The following SNRPN variants were observed in gnomAD, a reference collection of about 807,000 sequenced individuals.
SNRPN encodes the protein small nuclear ribonucleoprotein-associated protein N.
A neutral mutation model predicts 25.2 loss-of-function variants in SNRPN; 7 were observed. The observed-to-expected ratio is 0.28, with a 90% CI of 0.16 to 0.52. SNRPN has a LOEUF of 0.52. Among genes scored for constraint, SNRPN ranks in the 20% least tolerant of loss-of-function variants. The pLI, the probability that SNRPN is intolerant of heterozygous loss-of-function variation, is 0.96. For synonymous variants in SNRPN, 124 were observed against 110.6 expected (o/e 1.12, Z -0.76); for missense variants, 196 against 322.5 (o/e 0.61, Z 3.00).
intron 1 of SNRPN, among the ~76,000 whole-genome samples, chr15:24,859,896 G>A (rs967181715): frequency 6.6e-6 from 1 of 152,168 alleles, no homozygotes; most frequent in Non-Finnish European, 1.5e-5. Context: ...TAGCACTGAG[G>A]ACGACCAGAG....
chr15:24,928,403 A>C (rs556892121), intron 3 of SNRPN, among the ~76,000 whole-genome samples: 8 of 152,220 alleles, frequency 5.3e-5, no homozygotes, highest in African/African-American at 1.7e-4. Context: ...CCATAAAAAA[A>C]GAATGAGATC....
chr15:24,969,172 A>G (rs2076078652), intron 3 of SNRPN, among the ~76,000 whole-genome samples: 1 of 152,160 alleles, frequency 6.6e-6, no homozygotes, highest in Non-Finnish European at 1.5e-5. Context: ...TCTGTTGCCC[A>G]GGCTGGAGTG....
intron 2 of SNRPN, among the ~76,000 whole-genome samples, chr15:24,903,898 G>A (rs2058623005): frequency 6.6e-6 from 1 of 152,070 alleles, no homozygotes; most frequent in African/African-American, 2.4e-5. Context: ...GCTGTGTGTG[G>A]TGGTGCACGC....
chr15:24,852,941 AAG>A (rs1393285120), upstream of SNRPN, among the ~76,000 whole-genome samples: 2 of 152,190 alleles, frequency 1.3e-5, no homozygotes, highest in South Asian at 2.1e-4. Flanking sequence ...CTCAACAAAA[AAG>A]AGAGAAAAGA....
chr15:24,916,814 T>G (rs2152388712), intron 2 of SNRPN, among the ~76,000 whole-genome samples: 1 of 152,306 alleles, frequency 6.6e-6, no homozygotes, highest in African/African-American at 2.4e-5. Flanking sequence ...GCCACAAGCC[T>G]TCTGAACCTT....
At chr15:24,906,516 G>C (rs1380284111) in intron 2 of SNRPN, among the ~76,000 whole-genome samples, 1 of 152,218 alleles carries the variant, frequency 6.6e-6, no homozygotes, top group African/African-American at 2.4e-5. Context: ...AATCTGAGGA[G>C]AAATTAGCCA....
intron 1 of SNRPN, among the ~76,000 whole-genome samples, chr15:24,956,355 G>GGGGGGA (rs2062883287): frequency 1.5e-5 from 1 of 66,050 alleles, no homozygotes; most frequent in Admixed American, 1.8e-4. Flanking sequence ...GCGCTTCAGC[G>GGGGGGA]GGGGGGTGGC....
At chr15:24,945,343 TAAAAA>T (rs11422448) in intron 3 of SNRPN, among the ~76,000 whole-genome samples, 3 of 83,744 alleles carry the variant, frequency 3.6e-5, no homozygotes, top group African/African-American at 1.5e-4. Flanking sequence ...ACCCACCATG[TAAAAA>T]AAAAAAAAAA....
intron 2 of SNRPN, among the ~76,000 whole-genome samples, chr15:24,843,269 A>AT (rs957757604): frequency 1.2e-4 from 18 of 152,180 alleles, no homozygotes; most frequent in African/African-American, 4.3e-4. Flanking sequence ...GTGTTGAGGT[A>AT]TTATATGGTT....
chr15:24,915,184 G>T (rs149408264), intron 2 of SNRPN, among the ~76,000 whole-genome samples: 1,661 of 152,086 alleles, frequency 0.011, 33 homozygotes, highest in Middle Eastern at 0.068. Flanking sequence ...CTGGAGTGTA[G>T]TGGCGTGATC....
At chr15:24,854,710 A>T (rs1019714043), upstream of SNRPN, among the ~76,000 whole-genome samples, 1 of 152,166 alleles carries the variant, frequency 6.6e-6, no homozygotes, top group Non-Finnish European at 1.5e-5. Context: ...GCGACTATTA[A>T]TTCTAGCCCA....
chr15:24,842,303 C>T (rs938798419), intron 2 of SNRPN, among the ~76,000 whole-genome samples: 2 of 152,182 alleles, frequency 1.3e-5, no homozygotes, highest in Non-Finnish European at 2.9e-5. Flanking sequence ...ACACTTCTAC[C>T]CACTGCATCC....
chr15:24,906,845 G>GTTTTT, intron 2 of SNRPN, among the ~76,000 whole-genome samples: 1 of 152,196 alleles, frequency 6.6e-6, no homozygotes, highest in Non-Finnish European at 1.5e-5. Context: ...TTCTAATTAG[G>GTTTTT]TTTTTTCTTT....
chr15:24,917,793 A>G (rs1255785053), intron 2 of SNRPN, among the ~76,000 whole-genome samples: 1 of 152,248 alleles, frequency 6.6e-6, no homozygotes, highest in African/African-American at 2.4e-5. Context: ...TAGTTTTTTA[A>G]AAACCATAAA....
intron 2 of SNRPN, among the ~76,000 whole-genome samples, chr15:24,838,730 A>C (rs959549292): frequency 2.0e-5 from 3 of 152,018 alleles, no homozygotes; most frequent in Non-Finnish European, 1.5e-5. Context: ...GCAAGGGAGG[A>C]CATGTCCTAT....
At chr15:24,966,876 A>T (rs1366636411) in intron 2 of SNRPN, among the ~76,000 whole-genome samples, 1 of 152,098 alleles carries the variant, frequency 6.6e-6, no homozygotes, top group African/African-American at 2.4e-5. Context: ...CATTTCCTGT[A>T]TGTCTTCCTT....
intron 2 of SNRPN, among the ~76,000 whole-genome samples, chr15:24,907,201 C>A (rs1049248274): frequency 6.6e-6 from 1 of 152,076 alleles, no homozygotes; most frequent in African/African-American, 2.4e-5. Flanking sequence ...AGATTCGCAG[C>A]CCAGGAAGTC....
chr15:24,833,512 C>T (rs1217557208), intron 2 of SNRPN, among the ~76,000 whole-genome samples: 1 of 151,724 alleles, frequency 6.6e-6, no homozygotes, highest in Non-Finnish European at 1.5e-5. Flanking sequence ...AATCAACTGG[C>T]AAAAGGAAGA....
intron 2 of SNRPN, chr15:24,909,102 T>C: frequency 7.3e-7 from 1 of 1,369,794 alleles, no homozygotes. Flanking sequence ...TGAGCTTCCT[T>C]ATACATTTCC....
Sources: allele counts gnomAD v4.1 joint callset (sites outside exome capture counted in the v4.1 genomes callset), GRCh38; gene constraint gnomAD v4.1.1; transcripts MANE v1.5; gene names NCBI Gene and HGNC (gene_info 2026-07-23, HGNC 2026-07-21).